The following MGAT4C variants were observed in gnomAD, a reference collection of about 807,000 sequenced individuals.
The protein encoded by MGAT4C is MGAT4 family member C.
A neutral mutation model predicts 40.1 loss-of-function variants in MGAT4C; 19 were observed. The observed-to-expected ratio is 0.47, with a 90% CI of 0.33 to 0.70. The LOEUF (loss-of-function observed/expected upper bound fraction) is 0.70. Among genes scored for constraint, MGAT4C ranks in the 30% least tolerant of loss-of-function variants. The pLI is 0.02. For synonymous variants in MGAT4C, 181 were observed against 187.1 expected, an observed-to-expected ratio of 0.97 and a Z score of 0.27; for missense variants, 491 against 563.2, an observed-to-expected ratio of 0.87 and a Z score of 1.30.
In MGAT4C at chr12:86,180,248, G is replaced by A. The variant is rs58420856; in HGVS notation, c.-57+75991C>T. 3.3e-3 allele frequency among the ~76,000 whole-genome samples: 504 copies of A among 152,352 alleles called. 2 individuals carry two copies. Among genetic ancestry groups the A allele is most frequent in the African/African-American group, 0.012 (491 of 41,592 alleles). On this transcript the variant is annotated intron_variant, in intron 1 of 4. Coordinates refer to ENST00000611864, the MANE Select transcript of MGAT4C (RefSeq NM_001351288.2). ...TTTGAGAACCTCTGCCTAGATTTCA[G>A]AAGATGTATGGAAATGCTTGGATGC...
chr12:86,408,477 CTCTATATA>C (rs1344334830), intron 3 of MGAT4C, among the ~76,000 whole-genome samples: 172 of 97,542 alleles, frequency 1.8e-3, no homozygotes, highest in East Asian at 8.9e-3. Context: ...CTCTCTCTCT[CTCTATATA>C]TATATATATA....
intron 2 of MGAT4C, among the ~76,000 whole-genome samples, chr12:86,520,745 T>G (rs1958779334): frequency 6.6e-6 from 1 of 152,258 alleles, no homozygotes; most frequent in South Asian, 2.1e-4. Flanking sequence ...ACCTGTTATT[T>G]TTTTCACTGT....
intron 1 of MGAT4C, among the ~76,000 whole-genome samples, chr12:86,236,909 A>G (rs927743089): frequency 2.6e-5 from 4 of 151,690 alleles, no homozygotes; most frequent in African/African-American, 9.7e-5. Context: ...CATTAGCCAA[A>G]TTTGTATACC....
At position 86,775,224 on chromosome 12, in the gene MGAT4C, C is replaced by A. The variant is rs1186193789; in HGVS notation, c.-261-47983G>T. ...CACTTCTCTGTGTCTTTAACTTGGA[C>A]ATGTTTACAAAGTATTTACCATCCT... On this transcript the variant is annotated intron_variant, in intron 1 of 7. Coordinates refer to the MGAT4C transcript ENST00000548651. 3.3e-5 allele frequency among the ~76,000 whole-genome samples: 5 copies of A among 152,012 alleles called. No individual in the cohort carries two copies. The East Asian group carries it at 9.6e-4, about 29-fold the overall frequency.
At chr12:86,762,362 C>T (rs1951422730) in intron 1 of MGAT4C, among the ~76,000 whole-genome samples, 2 of 152,032 alleles carry the variant, frequency 1.3e-5, no homozygotes, top group Non-Finnish European at 1.5e-5. Flanking sequence ...TAAGGCTACA[C>T]TCTTATATGG....
intron 1 of MGAT4C, among the ~76,000 whole-genome samples, chr12:86,104,727 TAA>T (rs1875824698): frequency 6.6e-6 from 1 of 152,198 alleles, no homozygotes; most frequent in East Asian, 1.9e-4. Context: ...AGTTCATATA[TAA>T]GTGAAGTATG....
chr12:86,642,198 G>A (rs961845674), intron 2 of MGAT4C, among the ~76,000 whole-genome samples: 2 of 151,774 alleles, frequency 1.3e-5, no homozygotes, highest in Non-Finnish European at 2.9e-5. Context: ...TTTGAGATAC[G>A]TATAAAAACA....
intron 3 of MGAT4C, among the ~76,000 whole-genome samples, chr12:86,431,555 T>G (rs1957039890): frequency 6.6e-6 from 1 of 152,188 alleles, no homozygotes; most frequent in South Asian, 2.1e-4. Context: ...TTAAATATTA[T>G]GTCAAAAATG....
At chr12:86,442,145 T>C (rs1180091370) in intron 2 of MGAT4C, among the ~76,000 whole-genome samples, 1 of 152,256 alleles carries the variant, frequency 6.6e-6, no homozygotes, top group African/African-American at 2.4e-5. Flanking sequence ...ATGTCTTCTT[T>C]TGAGAAGTGT....
chr12:86,635,145 T>C (rs1028602724), intron 2 of MGAT4C, among the ~76,000 whole-genome samples: 1 of 152,144 alleles, frequency 6.6e-6, no homozygotes, highest in African/African-American at 2.4e-5. Flanking sequence ...TTTCTCTCTT[T>C]CTTTTTCTGC....
chr12:86,460,637 G>A (rs775851318), intron 2 of MGAT4C, among the ~76,000 whole-genome samples: 1 of 151,986 alleles, frequency 6.6e-6, no homozygotes, highest in Non-Finnish European at 1.5e-5. Context: ...GTGTCTTTGT[G>A]TGTGTCTCCC....
chr12:86,789,014 T>C (rs1951980081), intron 1 of MGAT4C, among the ~76,000 whole-genome samples: 1 of 152,068 alleles, frequency 6.6e-6, no homozygotes, highest in Non-Finnish European at 1.5e-5. Flanking sequence ...AAGAAGTGTA[T>C]TCATAGTGAA....
At chr12:86,763,058 T>A (rs1163651272) in intron 1 of MGAT4C, among the ~76,000 whole-genome samples, 3 of 152,204 alleles carry the variant, frequency 2.0e-5, no homozygotes, top group Non-Finnish European at 4.4e-5. Flanking sequence ...ACAATAAGCA[T>A]ATCTTAGGGC....
chr12:86,539,074 T>C (rs1959127848), intron 2 of MGAT4C, among the ~76,000 whole-genome samples: 1 of 152,156 alleles, frequency 6.6e-6, no homozygotes, highest in Non-Finnish European at 1.5e-5. Context: ...GTGCACAACA[T>C]GCAGGTTTGT....
At chr12:85,987,688 TA>T (rs1412899750) in intron 3 of MGAT4C, among the ~76,000 whole-genome samples, 2 of 152,198 alleles carry the variant, frequency 1.3e-5, no homozygotes, top group African/African-American at 4.8e-5. Context: ...TACTACTTCT[TA>T]CTCATTTTAT....
At chr12:86,641,519 T>C in intron 2 of MGAT4C, among the ~76,000 whole-genome samples, 1 of 151,416 alleles carries the variant, frequency 6.6e-6, no homozygotes. Flanking sequence ...TAAAGTATAA[T>C]AATAATAAAA....
chr12:86,351,793 T>C (rs1304861474), intron 3 of MGAT4C, among the ~76,000 whole-genome samples: 1 of 152,054 alleles, frequency 6.6e-6, no homozygotes, highest in Non-Finnish European at 1.5e-5. Flanking sequence ...CTAACGACTA[T>C]AGTTACATGG....
intron 4 of MGAT4C, among the ~76,000 whole-genome samples, chr12:85,982,242 C>T (rs761213960): frequency 1.4e-4 from 21 of 152,140 alleles, no homozygotes; most frequent in East Asian, 1.9e-4. Context: ...TGCAGTGGTG[C>T]GAACTCAGCT....
intron 3 of MGAT4C, among the ~76,000 whole-genome samples, chr12:86,398,181 C>T (rs951953133): frequency 2.6e-5 from 4 of 152,126 alleles, no homozygotes; most frequent in African/African-American, 7.2e-5. Context: ...ACTTTAAAGT[C>T]AGTATCACCA....
Sources: allele counts gnomAD v4.1 joint callset (sites outside exome capture counted in the v4.1 genomes callset), GRCh38; gene constraint gnomAD v4.1.1; transcripts MANE v1.5; gene names NCBI Gene and HGNC (gene_info 2026-07-23, HGNC 2026-07-21).